The following NKAIN2 variants were observed in gnomAD, a reference collection of about 807,000 sequenced individuals.
NKAIN2 encodes the protein sodium/potassium transporting ATPase interacting 2.
Under a neutral mutation model 32.6 loss-of-function variants are expected in NKAIN2, and 14 were observed. That is an observed-to-expected ratio of 0.43 (90% confidence interval 0.28 to 0.67). The LOEUF (loss-of-function observed/expected upper bound fraction) is 0.67. Among genes scored for constraint, NKAIN2 ranks in the 30% least tolerant of loss-of-function variants. The probability of loss-of-function intolerance (pLI) is 0.17; values close to 1 mark genes in which losing one functional copy is unlikely to be tolerated. For synonymous variants in NKAIN2, 80 were observed against 87.2 expected, an observed-to-expected ratio of 0.92 and a Z score of 0.46; for missense variants, 198 against 258.3, an observed-to-expected ratio of 0.77 and a Z score of 1.60.
intron 1 of NKAIN2, among the ~76,000 whole-genome samples, chr6:124,137,055 A>G (rs963385546): frequency 6.6e-6 from 1 of 152,114 alleles, no homozygotes; most frequent in Non-Finnish European, 1.5e-5. Flanking sequence ...TAAATTGGAA[A>G]AACAGAAGTC....
chr6:124,799,564 G>A (rs891478849), intron 5 of NKAIN2, among the ~76,000 whole-genome samples: 1 of 152,106 alleles, frequency 6.6e-6, no homozygotes, highest in South Asian at 2.1e-4. Context: ...TCTCTCCTCT[G>A]TTAATTAAGA....
At chr6:124,154,065 G>T (rs1258382603) in intron 1 of NKAIN2, among the ~76,000 whole-genome samples, 1 of 151,280 alleles carries the variant, frequency 6.6e-6, no homozygotes, top group East Asian at 1.9e-4. Context: ...AAATAATTAT[G>T]ATTTTTTTCT....
intron 3 of NKAIN2, among the ~76,000 whole-genome samples, chr6:124,487,803 G>A (rs1777711319): frequency 6.6e-6 from 1 of 151,952 alleles, no homozygotes; most frequent in Non-Finnish European, 1.5e-5. Context: ...AAGTCCCAGG[G>A]GTGTATTGCC....
intron 5 of NKAIN2, among the ~76,000 whole-genome samples, chr6:124,812,461 A>C (rs1018758808): frequency 6.6e-6 from 1 of 152,186 alleles, no homozygotes; most frequent in African/African-American, 2.4e-5. Context: ...AGAAAACAGT[A>C]AATCTCATGT....
At chr6:124,413,968 C>T (rs1382846797) in intron 3 of NKAIN2, among the ~76,000 whole-genome samples, 3 of 151,344 alleles carry the variant, frequency 2.0e-5, no homozygotes, top group Admixed American at 6.6e-5. Flanking sequence ...ATCATGTTGT[C>T]TCAAAAAGAT....
At chr6:124,342,948 A>AT (rs1392923735) in intron 2 of NKAIN2, among the ~76,000 whole-genome samples, 5 of 150,990 alleles carry the variant, frequency 3.3e-5, no homozygotes, top group Non-Finnish European at 3.0e-5. Flanking sequence ...ATCATTTAGC[A>AT]TTAGCTATAT....
At chr6:124,424,382 C>CTG (rs1252657488) in intron 3 of NKAIN2, among the ~76,000 whole-genome samples, 1 of 152,060 alleles carries the variant, frequency 6.6e-6, no homozygotes, top group Non-Finnish European at 1.5e-5. Context: ...ATAGTTACTA[C>CTG]TGTGTGTGTG....
chr6:124,379,626 T>A (rs1221847895), intron 3 of NKAIN2, among the ~76,000 whole-genome samples: 1 of 152,228 alleles, frequency 6.6e-6, no homozygotes, highest in East Asian at 1.9e-4. Context: ...AGTGGAAGCT[T>A]ACCTGACTGC....
At chr6:124,205,116 TGTTA>T (rs150500986) in intron 1 of NKAIN2, among the ~76,000 whole-genome samples, 8,753 of 151,816 alleles carry the variant, frequency 0.058, 479 homozygotes, top group African/African-American at 0.12. Flanking sequence ...CACTGCATTT[TGTTA>T]GTTCATTTGA....
chr6:124,772,101 T>G (rs1778784044), intron 4 of NKAIN2, among the ~76,000 whole-genome samples: 1 of 152,176 alleles, frequency 6.6e-6, no homozygotes, highest in African/African-American at 2.4e-5. Context: ...AGTAATGGCA[T>G]AATAGAATTG....
chr6:124,467,925 A>G (rs1205045176), intron 3 of NKAIN2, among the ~76,000 whole-genome samples: 1 of 152,116 alleles, frequency 6.6e-6, no homozygotes, highest in Non-Finnish European at 1.5e-5. Flanking sequence ...AAATTATTTA[A>G]CTTATTTAAA....
intron 1 of NKAIN2, among the ~76,000 whole-genome samples, chr6:124,237,743 G>T (rs1416398429): frequency 4.6e-5 from 7 of 152,074 alleles, no homozygotes. Flanking sequence ...AAGCATTATG[G>T]TCCTTGATGT....
intron 1 of NKAIN2, among the ~76,000 whole-genome samples, chr6:123,843,355 T>C (rs1395545698): frequency 6.6e-6 from 1 of 152,118 alleles, no homozygotes; most frequent in East Asian, 1.9e-4. Flanking sequence ...GAAGATAATC[T>C]TCCCCTGGAG....
chr6:124,552,731 T>A (rs1320513925), intron 3 of NKAIN2, among the ~76,000 whole-genome samples: 1 of 152,166 alleles, frequency 6.6e-6, no homozygotes, highest in African/African-American at 2.4e-5. Flanking sequence ...GTCTAAGGGT[T>A]AAAATATTAG....
chr6:124,207,955 T>C (rs1187521326), intron 1 of NKAIN2, among the ~76,000 whole-genome samples: 1 of 151,956 alleles, frequency 6.6e-6, no homozygotes, highest in Non-Finnish European at 1.5e-5. Flanking sequence ...GCAGGATGAG[T>C]CTTACTGGCT....
At chr6:124,533,472 A>AAAAAAAAC (rs1779603585) in intron 3 of NKAIN2, among the ~76,000 whole-genome samples, 1 of 14,058 alleles carries the variant, frequency 7.1e-5, no homozygotes, top group Non-Finnish European at 1.7e-4. Context: ...ACTCTGTCTC[A>AAAAAAAAC]AAAAAAAAAA....
intron 1 of NKAIN2, among the ~76,000 whole-genome samples, chr6:124,169,066 T>C (rs1788713912): frequency 6.6e-6 from 1 of 152,128 alleles, no homozygotes; most frequent in African/African-American, 2.4e-5. Context: ...GCTTTAATAT[T>C]GAATGTTCAG....
At chr6:124,194,369 T>G (rs941523526) in intron 1 of NKAIN2, among the ~76,000 whole-genome samples, 3 of 152,218 alleles carry the variant, frequency 2.0e-5, no homozygotes, top group African/African-American at 7.2e-5. Flanking sequence ...TATCTTCCTT[T>G]CAACATATCT....
At position 124,461,329 on chromosome 6, in the gene NKAIN2, A is replaced by G. The variant is rs549665336; in HGVS notation, c.273+105982A>G. Among the ~76,000 whole-genome samples, 4 of 151,690 alleles carry G rather than the reference A, an allele frequency of 2.6e-5. No homozygotes were observed. In the East Asian group the frequency reaches 7.8e-4, roughly 30 times the overall value. ...TGTGTAGATACATGCGTGTGCACAG[A>G]AAGACTGATTTCTTTCCACACTTTA... is the stretch of plus-strand genomic sequence containing the variant. On this transcript the variant is annotated intron_variant, in intron 3 of 6. Transcript: ENST00000368417.
Sources: allele counts gnomAD v4.1 joint callset (sites outside exome capture counted in the v4.1 genomes callset), GRCh38; gene constraint gnomAD v4.1.1; transcripts MANE v1.5; gene names NCBI Gene and HGNC (gene_info 2026-07-23, HGNC 2026-07-21).